The following PCDHA5 variants were observed in gnomAD, a reference collection of about 807,000 sequenced individuals.
PCDHA5 encodes protocadherin alpha 5.
In PCDHA5, 43 loss-of-function variants were observed where a neutral mutation model predicts 61.6. That is an observed-to-expected ratio of 0.70 (90% CI 0.55 to 0.90). The LOEUF (loss-of-function observed/expected upper bound fraction) is 0.90, where lower values mean the gene tolerates loss of function less well. Among genes scored for constraint, PCDHA5 ranks in the 40% least tolerant of loss-of-function variants. PCDHA5 has a pLI of 0.00. For missense variants in PCDHA5, 1,298 were observed against 1,222.7 expected (o/e 1.06, Z -0.92); for synonymous variants, 627 against 543.9 (o/e 1.15, Z -2.13).
At chr5:140,929,298 A>G (rs1554206937) in intron 1 of PCDHA5, 26 of 1,591,722 alleles carry the variant, frequency 1.6e-5, no homozygotes, top group Non-Finnish European at 2.1e-5. Context: ...GGAATAGGAA[A>G]GGGGATCACG....
intron 1 of PCDHA5, among the ~76,000 whole-genome samples, chr5:140,961,947 G>A (rs1183967245): frequency 6.6e-6 from 1 of 150,956 alleles, no homozygotes; most frequent in Non-Finnish European, 1.5e-5. Flanking sequence ...GCAGTGGCAT[G>A]ATCTCGGCTC....
intron 1 of PCDHA5, chr5:140,841,282 T>A: frequency 6.5e-7 from 1 of 1,545,352 alleles, no homozygotes; most frequent in Non-Finnish European, 8.7e-7. Context: ...TTCATCTTTA[T>A]ATTAAGATAA....
At chr5:140,883,774 T>C (rs782252577) in intron 1 of PCDHA5, 10 of 1,612,152 alleles carry the variant, frequency 6.2e-6, no homozygotes, top group South Asian at 5.5e-5. Flanking sequence ...TGGGCGAGCG[T>C]GCGCTGTCGA....
chr5:140,877,224 G>T, intron 1 of PCDHA5: 1 of 1,613,712 alleles, frequency 6.2e-7, no homozygotes, highest in Non-Finnish European at 8.5e-7. Flanking sequence ...TACCGCGGTC[G>T]GTGGGTGCGG....
At chr5:140,997,993 C>T (rs1356544638) in intron 3 of PCDHA5, among the ~76,000 whole-genome samples, 1 of 152,082 alleles carries the variant, frequency 6.6e-6, no homozygotes, top group Non-Finnish European at 1.5e-5. Flanking sequence ...TACATACTTC[C>T]CTCTGAGCCT....
intron 1 of PCDHA5, among the ~76,000 whole-genome samples, chr5:140,844,423 T>C (rs1779370902): frequency 6.7e-6 from 1 of 149,538 alleles, no homozygotes; most frequent in South Asian, 2.1e-4. Flanking sequence ...ATGTTTTTTA[T>C]TCTACATGAT....
intron 1 of PCDHA5, chr5:140,829,079 A>C (rs1770100550): frequency 6.2e-7 from 1 of 1,611,828 alleles, no homozygotes; most frequent in South Asian, 1.1e-5. Flanking sequence ...CCATCCTCCC[A>C]TGGCGGGTCA....
At chr5:140,880,068 A>G (rs2058226577) in intron 1 of PCDHA5, among the ~76,000 whole-genome samples, 1 of 152,252 alleles carries the variant, frequency 6.6e-6, no homozygotes, top group South Asian at 2.1e-4. Flanking sequence ...TTTGGGGACC[A>G]CAATTCAACC....
In PCDHA5 at chr5:140,989,027, CATT is replaced by C. The variant is rs1413017003; in HGVS notation, c.2500+6465_2500+6467del. The C allele has an allele frequency of 1.4e-4, 22 of 152,178 alleles. 1 individual carries two copies. The highest frequency in any genetic ancestry group is 1.4e-3 in the Admixed American group (22 of 15,274). The allele number at this position is 152,178 out of a possible 1,614,324, so 9.4% of individuals were successfully genotyped here. A position where few individuals can be genotyped will look rare whatever the true frequency, so the allele number is the denominator to read the frequency against. ...GACTTATTATAGTTTCTTCAGTTAT[CATT>C]GATTCCTTTAATATGCCAGCTACAT... On this transcript the variant is annotated intron_variant, in intron 3 of 3. Transcript: ENST00000529859.
rs782451974 is a variant in PCDHA5, at chr5:141,009,822, T to A, written c.2696T>A (p.Phe899Tyr). 6.2e-7 allele frequency: 1 copy of A among 1,613,720 alleles called. No individual in the cohort carries two copies. The highest frequency in any genetic ancestry group is 2.2e-5 in the East Asian group (1 of 44,866). Residue 899 changes from phenylalanine (F) to tyrosine (Y), a missense_variant, in exon 4 of 4, where the codon TTC (phenylalanine) becomes TAC (tyrosine). Physicochemically the swap from Phe to Tyr is conservative, Grantham distance 22. Transcript: ENST00000529859. ...AACAGCCAAATTGACAAAAGTGACTTCATAACCTTCGGCAAAAAGGAGGAG... is the reference window on the plus strand; with the variant it reads ...AACAGCCAAATTGACAAAAGTGACTACATAACCTTCGGCAAAAAGGAGGAG... ...PTNSQIDKSDFITFGKKEETK... is the reference protein window; with the variant it reads ...PTNSQIDKSDYITFGKKEETK...
chr5:140,976,037 T>C (rs1466922826), intron 1 of PCDHA5, among the ~76,000 whole-genome samples: 1 of 152,200 alleles, frequency 6.6e-6, no homozygotes, highest in Non-Finnish European at 1.5e-5. Context: ...ATTTCAACTG[T>C]GATTGAAATT....
At chr5:140,928,367 C>T (rs781897390) in intron 1 of PCDHA5, 1 of 1,614,170 alleles carries the variant, frequency 6.2e-7, no homozygotes, top group East Asian at 2.2e-5. Context: ...TCTGAAGGGC[C>T]ATCAGCCTCT....
intron 1 of PCDHA5, among the ~76,000 whole-genome samples, chr5:140,837,977 C>T (rs1377931639): frequency 6.6e-6 from 1 of 151,682 alleles, no homozygotes; most frequent in Non-Finnish European, 1.5e-5. Flanking sequence ...CCACACCCAG[C>T]CTGCCTTTCA....
Position 140,954,691 on chromosome 5 carries a change from A to G in PCDHA5, c.2353-24258A>G, listed in dbSNP as rs561318179. Among the ~76,000 whole-genome samples the G allele has an allele frequency of 9.2e-5, 14 of 152,162 alleles. No homozygotes were observed. The East Asian group carries it at 2.5e-3, about 27-fold the overall frequency. ...TATTAGACTTTTGTCAGATGGATAG[A>G]CTACAAAATTTTTCTCCCATTCTGT... On this transcript the variant is annotated intron_variant, in intron 1 of 3. Coordinates refer to ENST00000529859, the MANE Select transcript of PCDHA5 (RefSeq NM_018908.3).
At chr5:140,858,220 G>A (rs1271468400) in intron 1 of PCDHA5, 1 of 1,595,980 alleles carries the variant, frequency 6.3e-7, no homozygotes, top group South Asian at 1.1e-5. Context: ...GCTCGGCGGC[G>A]CCCACCGAGG....
intron 1 of PCDHA5, among the ~76,000 whole-genome samples, chr5:140,978,254 A>T (rs2096794173): frequency 6.6e-6 from 1 of 152,228 alleles, no homozygotes; most frequent in Non-Finnish European, 1.5e-5. Context: ...TCCCTGTTAA[A>T]CAATCAGAGC....
intron 1 of PCDHA5, among the ~76,000 whole-genome samples, chr5:140,908,888 C>T (rs2074210125): frequency 1.3e-5 from 2 of 152,122 alleles, no homozygotes; most frequent in African/African-American, 4.8e-5. Flanking sequence ...CCAATAGTCC[C>T]AAATAAGCCT....
intron 1 of PCDHA5, among the ~76,000 whole-genome samples, chr5:140,952,242 C>A (rs1469286013): frequency 6.6e-6 from 1 of 151,750 alleles, no homozygotes; most frequent in Admixed American, 6.6e-5. Flanking sequence ...CTGCTTAGAA[C>A]TGCTGGTGGA....
At chr5:140,866,433 C>CTGAA (rs1217236180) in intron 1 of PCDHA5, 1 of 151,814 alleles carries the variant, frequency 6.6e-6, no homozygotes, top group Non-Finnish European at 1.5e-5. Context: ...GTCTTTCAGT[C>CTGAA]TTCTTCAGTC....
Sources: allele counts gnomAD v4.1 joint callset (sites outside exome capture counted in the v4.1 genomes callset), GRCh38; gene constraint gnomAD v4.1.1; transcripts MANE v1.5; gene names NCBI Gene and HGNC (gene_info 2026-07-23, HGNC 2026-07-21).